The following RCAN2 variants were observed in gnomAD, a reference collection of about 807,000 sequenced individuals.
RCAN2 encodes calcipressin-2.
A neutral mutation model predicts 23.6 loss-of-function variants in RCAN2; 9 were observed. That is an observed-to-expected ratio of 0.38 (90% confidence interval 0.23 to 0.67). The LOEUF (loss-of-function observed/expected upper bound fraction) is 0.67, where lower values mean the gene tolerates loss of function less well. RCAN2 is among the 30% of genes least tolerant of loss of function. The pLI is 0.51. For synonymous variants in RCAN2, 109 were observed against 115.7 expected (o/e 0.94, Z 0.37); for missense variants, 273 against 302.3 (o/e 0.90, Z 0.72).
intron 1 of RCAN2, among the ~76,000 whole-genome samples, chr6:46,459,623 AATTCTAATTTCTC>A (rs1444096544): frequency 6.6e-6 from 1 of 152,182 alleles, no homozygotes; most frequent in East Asian, 1.9e-4. Flanking sequence ...TGAACAAAGA[AATTCTAATTTCTC>A]TTTCTAGTTT....
At chr6:46,227,663 T>C (rs1765720468) in intron 4 of RCAN2, among the ~76,000 whole-genome samples, 2 of 152,192 alleles carry the variant, frequency 1.3e-5, no homozygotes, top group African/African-American at 4.8e-5. Flanking sequence ...ATCTATTTGA[T>C]TCTTCTCTCT....
intron 1 of RCAN2, among the ~76,000 whole-genome samples, chr6:46,486,220 C>T (rs1768985750): frequency 6.6e-6 from 1 of 152,134 alleles, no homozygotes; most frequent in Admixed American, 6.5e-5. Context: ...GTGGCTTATT[C>T]CCCCTGATCC....
chr6:46,428,684 C>T (rs1196517666), intron 2 of RCAN2, among the ~76,000 whole-genome samples: 1 of 152,174 alleles, frequency 6.6e-6, no homozygotes. Context: ...TGAAGCTCAC[C>T]TTCCTGTACC....
chr6:46,444,973 G>T (rs181948078), intron 2 of RCAN2, among the ~76,000 whole-genome samples: 1 of 152,268 alleles, frequency 6.6e-6, no homozygotes, highest in East Asian at 1.9e-4. Context: ...CAGGCCCTTG[G>T]CCAGTTCCAG....
In RCAN2 at chr6:46,223,118, A is replaced by G. The variant is rs763806340; in HGVS notation, c.*23T>C. On this transcript the variant is annotated 3_prime_UTR_variant, in exon 5 of 5. Transcript: ENST00000371374. ...AAAGCATGATAAAGAGGAGACGGCT[A>G]TTATCGAGAAGGAGCAGGCAGCTCA... is the stretch of plus-strand genomic sequence containing the variant. The G allele has an allele frequency of 1.9e-6, 3 of 1,611,280 alleles. No homozygotes were observed. The highest frequency in any genetic ancestry group is 2.5e-6 in the Non-Finnish European group (3 of 1,179,322).
chr6:46,241,783 A>G (rs913833423), intron 4 of RCAN2, among the ~76,000 whole-genome samples: 1 of 152,192 alleles, frequency 6.6e-6, no homozygotes, highest in African/African-American at 2.4e-5. Flanking sequence ...CACATTCCCC[A>G]GCTGTATAAT....
At chr6:46,224,723 T>C (rs1765590445) in intron 4 of RCAN2, among the ~76,000 whole-genome samples, 2 of 152,150 alleles carry the variant, frequency 1.3e-5, no homozygotes, top group Non-Finnish European at 2.9e-5. Flanking sequence ...GGGCACTAAT[T>C]ATGTGCTACT....
rs550200716 is a variant in RCAN2, at chr6:46,408,207, C to A, written c.225+48545G>T. On this transcript the variant is annotated intron_variant, in intron 2 of 4. Coordinates refer to ENST00000371374, the MANE Select transcript of RCAN2 (RefSeq NM_001251974.2). ...CGACAATGCTCCTATTACTTCCCTGCGGGCGGCTCCGACTGTTCAGCTCTA... is the reference window on the plus strand; with the variant it reads ...CGACAATGCTCCTATTACTTCCCTGAGGGCGGCTCCGACTGTTCAGCTCTA... Among the ~76,000 whole-genome samples, 14 of 152,120 alleles carry A rather than the reference C, an allele frequency of 9.2e-5. No individual in the cohort carries two copies. The East Asian group carries it at 2.7e-3, about 29-fold the overall frequency.
chr6:46,237,473 A>G (rs1409861111), intron 4 of RCAN2, among the ~76,000 whole-genome samples: 2 of 152,198 alleles, frequency 1.3e-5, no homozygotes, highest in Non-Finnish European at 2.9e-5. Context: ...TATTTGTGGT[A>G]GCAGGTTGTG....
At chr6:46,328,115 A>G (rs1763852651) in intron 2 of RCAN2, among the ~76,000 whole-genome samples, 1 of 152,194 alleles carries the variant, frequency 6.6e-6, no homozygotes, top group African/African-American at 2.4e-5. Context: ...TGACCAGAGG[A>G]CATTATCCAG....
At chr6:46,235,426 C>T (rs1355273953) in intron 4 of RCAN2, among the ~76,000 whole-genome samples, 1 of 152,160 alleles carries the variant, frequency 6.6e-6, no homozygotes, top group Non-Finnish European at 1.5e-5. Flanking sequence ...CTTTCCAGGA[C>T]ATTCTTTCTC....
chr6:46,347,486 G>A (rs1764522174), intron 2 of RCAN2, among the ~76,000 whole-genome samples: 1 of 152,082 alleles, frequency 6.6e-6, no homozygotes. Flanking sequence ...ACTACTCTCA[G>A]GGTTACACCT....
chr6:46,389,481 G>T (rs1392949039), intron 2 of RCAN2, among the ~76,000 whole-genome samples: 7 of 152,312 alleles, frequency 4.6e-5, no homozygotes, highest in African/African-American at 1.7e-4. Flanking sequence ...CCAAAGTACT[G>T]ATGACAGCGA....
chr6:46,252,623 C>T (rs1244524352), intron 2 of RCAN2, among the ~76,000 whole-genome samples: 1 of 151,846 alleles, frequency 6.6e-6, no homozygotes, highest in Non-Finnish European at 1.5e-5. Context: ...TAATAATAAG[C>T]CCTTTGTTTG....
At chr6:46,230,114 T>C (rs1765827034) in intron 4 of RCAN2, among the ~76,000 whole-genome samples, 1 of 152,196 alleles carries the variant, frequency 6.6e-6, no homozygotes, top group Non-Finnish European at 1.5e-5. Flanking sequence ...GCGGCAAATG[T>C]TGCTGCCTGA....
intron 2 of RCAN2, among the ~76,000 whole-genome samples, chr6:46,405,997 C>T (rs1766393920): frequency 6.6e-6 from 1 of 152,236 alleles, no homozygotes; most frequent in Non-Finnish European, 1.5e-5. Flanking sequence ...CCCTCCGCAG[C>T]CACTGGCCCG....
chr6:46,325,522 G>A, intron 2 of RCAN2: 13 of 1,612,114 alleles, frequency 8.1e-6, no homozygotes, highest in Non-Finnish European at 8.5e-6. Flanking sequence ...CAACCTCAGA[G>A]TTGGGAGTGA....
intron 2 of RCAN2, among the ~76,000 whole-genome samples, chr6:46,353,163 A>C (rs926628060): frequency 6.6e-6 from 1 of 152,242 alleles, no homozygotes; most frequent in Non-Finnish European, 1.5e-5. Flanking sequence ...TAGTATGGTA[A>C]TGAGGGGAGT....
intron 2 of RCAN2, among the ~76,000 whole-genome samples, chr6:46,386,839 T>A (rs1765771154): frequency 6.6e-6 from 1 of 152,130 alleles, no homozygotes; most frequent in Admixed American, 6.5e-5. Flanking sequence ...TCACGCTACC[T>A]GACTTCAAAC....
Sources: allele counts gnomAD v4.1 joint callset (sites outside exome capture counted in the v4.1 genomes callset), GRCh38; gene constraint gnomAD v4.1.1; transcripts MANE v1.5; gene names NCBI Gene and HGNC (gene_info 2026-07-23, HGNC 2026-07-21).